The following COQ8A variants were observed in gnomAD, a reference collection of about 807,000 sequenced individuals.
The protein encoded by COQ8A is coenzyme Q8A, also known as atypical kinase COQ8A, mitochondrial.
In COQ8A, 51 loss-of-function variants were observed where a neutral mutation model predicts 65.0. The ratio of observed to expected loss-of-function variants is 0.78; its 90% CI spans 0.63 to 0.99. COQ8A has a LOEUF of 0.99. Ranked by LOEUF, COQ8A falls within the 50% of genes least tolerant of loss-of-function variation. COQ8A has a pLI of 0.00. For synonymous variants in COQ8A, 371 were observed against 353.2 expected, an observed-to-expected ratio of 1.05 and a Z score of -0.57; for missense variants, 940 against 875.0, an observed-to-expected ratio of 1.07 and a Z score of -0.94.
Position 226,966,032 on chromosome 1 carries a change from C to G in COQ8A, c.655+295C>G, listed in dbSNP as rs536960770. On this transcript the variant is annotated intron_variant, in intron 4 of 14. Coordinates refer to ENST00000366777, the MANE Select transcript of COQ8A (RefSeq NM_020247.5). ...CCTCGCCTGGAGGCGGTGTCTGCAG[C>G]ATCTCTGTTTCACCCCTGCCTCAGG... Among the ~76,000 whole-genome samples, 104 of 152,384 alleles carry G rather than the reference C, an allele frequency of 6.8e-4. 1 individual carries two copies. Among genetic ancestry groups the G allele is most frequent in the African/African-American group, 2.0e-3 (85 of 41,588 alleles).
intron 4 of COQ8A, 49 bp downstream of exon 4, chr1:226,965,786 ACCAC>A: frequency 3.2e-6 from 5 of 1,586,786 alleles, no homozygotes; most frequent in Non-Finnish European, 4.3e-6. Flanking sequence ...CTGCCTGGGC[ACCAC>A]GCTGCGGCCT....
intron 4 of COQ8A, among the ~76,000 whole-genome samples, chr1:226,971,512 G>T (rs889285550): frequency 6.6e-6 from 1 of 151,692 alleles, no homozygotes; most frequent in Non-Finnish European, 1.5e-5. Context: ...AGATGGCGGC[G>T]TTGCACTCCA....
In COQ8A at chr1:226,986,659, G is replaced by A. The variant is rs191944347; in HGVS notation, c.1866G>A (p.Lys622=). ...GGGGCTCCTTCCTCATCTGCTCCAA[G>A]CTGAAGGCCCGCTTCCCCTGCAAGG... ...KMGGSFLICS[K]LKARFPCKAM... is the part of the protein sequence containing the mutation. Residue 622 remains lysine (K), a synonymous_variant, in exon 15 of 15, where the codon AAG becomes AAA. Transcript: ENST00000366777. 5 of 1,614,124 alleles carry A rather than the reference G, an allele frequency of 3.1e-6. 1 individual carries two copies. In the Admixed American group the frequency reaches 6.7e-5, roughly 22 times the overall value.
chr1:226,966,482 A>C (rs957428401), intron 4 of COQ8A, among the ~76,000 whole-genome samples: 3 of 152,172 alleles, frequency 2.0e-5, no homozygotes, highest in African/African-American at 7.2e-5. Flanking sequence ...TAAGTTAGTT[A>C]CTGGGATTGC....
intron 1 of COQ8A, among the ~76,000 whole-genome samples, chr1:226,960,359 G>GGTA (rs1558187319): frequency 3.9e-3 from 5 of 1,284 alleles, no homozygotes; most frequent in Non-Finnish European, 5.2e-3. Context: ...TGGTGGTGGT[G>GGTA]CTTGGTGGTG....
intron 4 of COQ8A, among the ~76,000 whole-genome samples, chr1:226,974,350 T>C (rs1422762118): frequency 1.3e-5 from 2 of 152,252 alleles, no homozygotes; most frequent in Non-Finnish European, 2.9e-5. Flanking sequence ...TCACAGTGGC[T>C]TTAGAGCCTG....
chr1:226,964,718 G>A (rs1315979552), intron 2 of COQ8A, among the ~76,000 whole-genome samples: 1 of 152,224 alleles, frequency 6.6e-6, no homozygotes, highest in Non-Finnish European at 1.5e-5. Flanking sequence ...AACCCGCTGC[G>A]GGCGTAGTGT....
rs1558178093 is a variant in COQ8A at position 226,946,872 on chromosome 1, C to T, written c.-10+6473C>T. 1.3e-5 allele frequency among the ~76,000 whole-genome samples: 2 copies of T among 152,230 alleles called. No individual in the cohort carries two copies. Among genetic ancestry groups the T allele is most frequent in the Non-Finnish European group, 2.9e-5 (2 of 68,034 alleles). ...AGGGCCGTGTGCCCGATGGCTCCTC[C>T]TAGCTCTTGCACACCCAGAGGCAGT... On this transcript the variant is annotated intron_variant, in intron 1 of 14. Transcript: ENST00000366777. The surrounding 1 kb of genome is among the most constrained non-coding windows in gnomAD (Gnocchi z 5.3).
At chr1:226,984,044 G>T in intron 10 of COQ8A, 50 bp from the exon 11 acceptor site, 3 of 1,340,240 alleles carry the variant, frequency 2.2e-6, no homozygotes, top group Non-Finnish European at 3.1e-6. Flanking sequence ...TGGGGGGGGG[G>T]ACGGTGTGGA....
chr1:226,964,848 G>A, intron 2 of COQ8A, 152 bp from the exon 3 acceptor site: 2 of 846,492 alleles, frequency 2.4e-6, no homozygotes, highest in Admixed American at 2.2e-5. Context: ...AGGCTGGGAA[G>A]GGTGCCGGGC....
intron 4 of COQ8A, among the ~76,000 whole-genome samples, chr1:226,969,739 A>G (rs1020734680): frequency 1.3e-5 from 2 of 151,898 alleles, no homozygotes; most frequent in African/African-American, 4.8e-5. Flanking sequence ...ATGCATATCT[A>G]TGAGCAGCAT....
intron 5 of COQ8A, among the ~76,000 whole-genome samples, 191 bp from the exon 6 acceptor site, chr1:226,981,836 G>T (rs1320120287): frequency 6.6e-6 from 1 of 152,228 alleles, no homozygotes; most frequent in Non-Finnish European, 1.5e-5. Context: ...AGGCGCTGGC[G>T]TAGGGCCTGG....
chr1:226,980,073 A>G (rs1206279804), intron 5 of COQ8A, among the ~76,000 whole-genome samples: 4 of 152,200 alleles, frequency 2.6e-5, no homozygotes, highest in African/African-American at 7.2e-5. Context: ...CCCGAGGCTT[A>G]GGCTGGAGTG....
chr1:226,950,158 T>C (rs1218946551), intron 1 of COQ8A, among the ~76,000 whole-genome samples: 1 of 152,168 alleles, frequency 6.6e-6, no homozygotes, highest in Non-Finnish European at 1.5e-5. Context: ...GGACCCTCTG[T>C]TGCCTGCCTG....
At chr1:226,965,944 T>C (rs929594082) in intron 4 of COQ8A, among the ~76,000 whole-genome samples, 6 of 152,240 alleles carry the variant, frequency 3.9e-5, no homozygotes, top group Admixed American at 2.0e-4. Flanking sequence ...TGCCTGGCTC[T>C]CCCCTGCGGG....
At position 226,982,118 on chromosome 1, in the gene COQ8A, A is replaced by G. The variant is rs778029819; in HGVS notation, c.822A>G (p.Ala274=). The change falls in exon 6 of 15, where the codon GCA becomes GCG. Residue 274 remains alanine (A), a synonymous_variant. Transcript: ENST00000366777. Reference sequence around the variant, plus strand: ...CGCTCTGCAAGGTGCGTGGTGCGGCACTCAAGCTGGGCCAGATGCTGAGCA... The same window carrying G: ...CGCTCTGCAAGGTGCGTGGTGCGGCGCTCAAGCTGGGCCAGATGCTGAGCA... ...VRTLCKVRGA[A]LKLGQMLSIQ... 8 of 1,606,490 alleles carry G rather than the reference A, an allele frequency of 5.0e-6. No individual in the cohort carries two copies. The highest frequency in any genetic ancestry group is 6.8e-6 in the Non-Finnish European group (8 of 1,177,208).
intron 1 of COQ8A, among the ~76,000 whole-genome samples, chr1:226,959,780 G>T (rs750888008): frequency 1.2e-4 from 18 of 152,244 alleles, no homozygotes; most frequent in Non-Finnish European, 2.2e-4. Context: ...CTAGGGTGGG[G>T]CTTGGCACCA....
In COQ8A at chr1:226,984,569, C is replaced by T. The variant is rs752291764; in HGVS notation, c.1420C>T (p.Leu474=). 2 of 1,614,046 alleles carry T rather than the reference C, an allele frequency of 1.2e-6. No individual in the cohort carries two copies. Among genetic ancestry groups the T allele is most frequent in the South Asian group, 2.2e-5 (2 of 91,090 alleles). Residue 474 remains leucine, a synonymous_variant, in exon 12 of 15, where the codon CTG becomes TTG. Coordinates refer to ENST00000366777, the MANE Select transcript of COQ8A (RefSeq NM_020247.5). ...RNEICYNILV[L]CLRELFEFHF... is the part of the protein sequence containing the mutation. ...ACAGATCTGCTACAACATCCTGGTT[C>T]TGTGCCTGAGGGAGCTGTTCGAGTT...
At chr1:226,966,685 C>T (rs187211403) in intron 4 of COQ8A, among the ~76,000 whole-genome samples, 24 of 152,286 alleles carry the variant, frequency 1.6e-4, no homozygotes, top group African/African-American at 5.3e-4. Flanking sequence ...TCTCATGGGT[C>T]TGCCTGTCTC....
Sources: gnomAD v4.1 joint callset for allele counts (sites outside exome capture counted in the v4.1 genomes callset) on GRCh38, gnomAD v4.1.1 for gene constraint, Gnocchi (gnomAD v3.1) non-coding constraint, MANE v1.5 for transcripts, NCBI Gene and HGNC (gene_info 2026-07-23, HGNC 2026-07-21) for gene names.